Variants in CSNK1D observed in about 807,000 individuals in gnomAD.
CSNK1D encodes casein kinase I isoform delta.
In CSNK1D, 16 loss-of-function variants were observed where a neutral mutation model predicts 46.6. The observed-to-expected ratio is 0.34, with a 90% CI of 0.23 to 0.52. The LOEUF (loss-of-function observed/expected upper bound fraction) is 0.52. CSNK1D is among the 20% of genes least tolerant of loss of function. CSNK1D has a pLI of 0.95. For synonymous variants in CSNK1D, 276 were observed against 228.2 expected (o/e 1.21, Z -1.89); for missense variants, 398 against 578.4 (o/e 0.69, Z 3.20).
chr17:82,253,301 G>T, intron 3 of CSNK1D, 57 bp from the exon 4 acceptor site: 1 of 1,318,912 alleles, frequency 7.6e-7, no homozygotes, highest in Non-Finnish European at 1.1e-6. Context: ...GGGAGGGACC[G>T]CTCAACTGTG....
downstream of CSNK1D, among the ~76,000 whole-genome samples, chr17:82,241,934 C>A (rs1345051995): frequency 6.6e-6 from 1 of 152,222 alleles, no homozygotes; most frequent in Non-Finnish European, 1.5e-5. Flanking sequence ...CTTAGAGCAA[C>A]CTCCAGGCAA....
At chr17:82,241,980 A>C (rs1181751930), downstream of CSNK1D, among the ~76,000 whole-genome samples, 1 of 152,068 alleles carries the variant, frequency 6.6e-6, no homozygotes, top group Non-Finnish European at 1.5e-5. Flanking sequence ...CACTACAAAC[A>C]AAAATATCCT....
chr17:82,248,779 G>T lies in CSNK1D; in HGVS notation c.1197+96C>A. 6.5e-7 allele frequency: 1 copy of T among 1,534,824 alleles called. No individual in the cohort carries two copies. Among genetic ancestry groups the T allele is most frequent in the Non-Finnish European group, 8.8e-7 (1 of 1,142,338 alleles). On this transcript the variant is annotated intron_variant, in intron 8 of 8. Coordinates refer to ENST00000314028, the MANE Select transcript of CSNK1D (RefSeq NM_001893.6). This position sits in a 1 kb window ranked among gnomAD's most constrained non-coding sequence, Gnocchi z 4.1. ...TAAAAACTCTCAAAAATGGGGGGAA[G>T]AAAGGAAAGAAGAAGCCCTGGAGAA...
Position 82,251,368 on chromosome 17 carries a change from G to A in CSNK1D, c.885+11C>T. On this transcript the variant is annotated intron_variant, in intron 6 of 8. Transcript: ENST00000314028. This position sits in a 1 kb window ranked among gnomAD's most constrained non-coding sequence, Gnocchi z 4.5. ...ACCACACTCAGCGAACGTGCTGGCA[G>A]TGCGACTTACAAATTTGAGCATGTT... 6.2e-7 allele frequency: 1 copy of A among 1,614,050 alleles called. No homozygotes were observed. Among genetic ancestry groups the A allele is most frequent in the Non-Finnish European group, 8.5e-7 (1 of 1,180,002 alleles).
intron 8 of CSNK1D, chr17:82,247,964 G>A: frequency 1.0e-6 from 1 of 985,494 alleles, no homozygotes; most frequent in Non-Finnish European, 1.2e-6. Context: ...TTCCTGGCTA[G>A]CCAGCTACAC....
chr17:82,242,512 A>T, downstream of CSNK1D: 1 of 318,612 alleles, frequency 3.1e-6, no homozygotes, highest in Non-Finnish European at 3.5e-6. Flanking sequence ...CAGCAGGCCC[A>T]GGGGGCAGCT....
At position 82,249,689 on chromosome 17, in the gene CSNK1D, A is replaced by G. The variant is rs1402916034; in HGVS notation, c.886-87T>C. The G allele has an allele frequency of 6.5e-7, 1 of 1,532,024 alleles. No individual in the cohort carries two copies. Among genetic ancestry groups the G allele is most frequent in the Non-Finnish European group, 8.7e-7 (1 of 1,144,968 alleles). 94.9% of individuals were successfully genotyped at this position (1,532,024 alleles called of 1,614,324 possible). A position where few individuals can be genotyped will look rare whatever the true frequency, so the allele number is the denominator to read the frequency against. ...CTAGGCTGCCCCGGCCACGTGAGAA[A>G]ATACCTACCAAAGGGCACTGGGACG... On this transcript the variant is annotated intron_variant, in intron 6 of 8. Transcript: ENST00000314028. This position sits in a 1 kb window ranked among gnomAD's most constrained non-coding sequence, Gnocchi z 6.7.
intron 8 of CSNK1D, chr17:82,245,213 T>C (rs1290348686): frequency 5.0e-6 from 2 of 400,592 alleles, no homozygotes; most frequent in South Asian, 2.2e-5. Flanking sequence ...ATTTCCAGAG[T>C]GTGCACAGTG....
chr17:82,266,457 A>C (rs148232131), intron 1 of CSNK1D, among the ~76,000 whole-genome samples: 3 of 152,336 alleles, frequency 2.0e-5, no homozygotes, highest in African/African-American at 7.2e-5. Flanking sequence ...ATCTTTCATC[A>C]GTCTATGGCT....
intron 2 of CSNK1D, 66 bp downstream of exon 2, chr17:82,265,620 G>T: frequency 8.0e-7 from 1 of 1,253,522 alleles, no homozygotes; most frequent in Non-Finnish European, 1.2e-6. Context: ...AACCAGCAAT[G>T]CTGAGTTGCT....
downstream of CSNK1D, chr17:82,242,633 A>G (rs1568547186): frequency 1.0e-6 from 1 of 984,482 alleles, no homozygotes; most frequent in African/African-American, 1.7e-5. Flanking sequence ...TCTCAAGCTG[A>G]TGAAATAAAG....
chr17:82,245,309 G>A (rs1021847001), intron 8 of CSNK1D: 20 of 284,786 alleles, frequency 7.0e-5, no homozygotes, highest in South Asian at 5.0e-4. Context: ...GCGCGTGGCC[G>A]CCGAGGAGGG....
intron 8 of CSNK1D, chr17:82,245,121 C>T (rs2147150611): frequency 1.7e-6 from 1 of 576,348 alleles, no homozygotes; most frequent in Non-Finnish European, 3.1e-6. Context: ...GGTGCTCCTG[C>T]CTCCCTTCCT....
At position 82,248,939 on chromosome 17, in the gene CSNK1D, G is replaced by C; in HGVS notation, c.1133C>G (p.Pro378Arg). 6.2e-7 allele frequency: 1 copy of C among 1,603,818 alleles called. No individual in the cohort carries two copies. Among genetic ancestry groups the C allele is most frequent in the South Asian group, 1.1e-5 (1 of 89,424 alleles). The change falls in exon 8 of 9, where the codon CCC (proline) becomes CGC (arginine). Residue 378 changes from proline (P) to arginine (R), a missense_variant. This residue lies in a region of CSNK1D where 181 missense variants were observed against 208.0 expected (regional missense o/e 0.87). Coordinates refer to ENST00000314028, the MANE Select transcript of CSNK1D (RefSeq NM_001893.6). This position sits in a 1 kb window ranked among gnomAD's most constrained non-coding sequence, Gnocchi z 4.1. ...GAGGTCGGACGAGGAGATGTTGACGGGGGCCCCGCGGTGCAGCCGCATACT... is the reference window on the plus strand; with the variant it reads ...GAGGTCGGACGAGGAGATGTTGACGCGGGCCCCGCGGTGCAGCCGCATACT... ...KVSMRLHRGA[P>R]VNISSSDLTG...
intron 1 of CSNK1D, among the ~76,000 whole-genome samples, chr17:82,269,517 G>C (rs1400961399): frequency 6.6e-6 from 1 of 152,216 alleles, no homozygotes; most frequent in Non-Finnish European, 1.5e-5. Flanking sequence ...AAAAACGTGT[G>C]CTTCAGAGAT....
At position 82,248,699 on chromosome 17, in the gene CSNK1D, C is replaced by T. The variant is rs1489091008; in HGVS notation, c.1197+176G>A. ...GCCCCATGACGGCCCAGCATGTCTC[C>T]CAGGCCCTCCCGAGAAGCCTCATCT... On this transcript the variant is annotated intron_variant, in intron 8 of 8. Coordinates refer to ENST00000314028, the MANE Select transcript of CSNK1D (RefSeq NM_001893.6). The surrounding 1 kb of genome is among the most constrained non-coding windows in gnomAD (Gnocchi z 4.1). 6.9e-7 allele frequency: 1 copy of T among 1,445,572 alleles called. No homozygotes were observed. Among genetic ancestry groups the T allele is most frequent in the African/African-American group, 1.4e-5 (1 of 70,162 alleles). 89.5% of individuals were successfully genotyped at this position (1,445,572 alleles called of 1,614,324 possible).
downstream of CSNK1D, among the ~76,000 whole-genome samples, chr17:82,241,165 C>T (rs1441410512): frequency 1.3e-5 from 2 of 152,200 alleles, no homozygotes; most frequent in African/African-American, 2.4e-5. Flanking sequence ...TTCACATGAT[C>T]CCAGATCAGA....
Position 82,273,447 on chromosome 17 carries a change from G to C in CSNK1D, c.-66C>G. On this transcript the variant is annotated 5_prime_UTR_variant, in exon 1 of 9. Transcript: ENST00000314028. This position sits in a 1 kb window ranked among gnomAD's most constrained non-coding sequence, Gnocchi z 5.1. ...TCCTGGGTCTGAACTCTGGGAGGCG[G>C]CGCCGCTGCTGCCGCTACTGCGGGT... 1 of 1,583,896 alleles carries C rather than the reference G, an allele frequency of 6.3e-7. No homozygotes were observed. Among genetic ancestry groups the C allele is most frequent in the Non-Finnish European group, 8.6e-7 (1 of 1,163,686 alleles).
intron 1 of CSNK1D, among the ~76,000 whole-genome samples, chr17:82,267,386 T>C (rs1387529685): frequency 1.3e-5 from 2 of 152,174 alleles, no homozygotes; most frequent in Non-Finnish European, 2.9e-5. Flanking sequence ...TCTGCTGATA[T>C]CCACACGTCC....
Sources: gnomAD v4.1 joint callset for allele counts (sites outside exome capture counted in the v4.1 genomes callset) on GRCh38, gnomAD v4.1.1 for gene constraint, gnomAD v4.1.1 regional missense constraint, Gnocchi (gnomAD v3.1) non-coding constraint, MANE v1.5 for transcripts, NCBI Gene and HGNC (gene_info 2026-07-23, HGNC 2026-07-21) for gene names.